Variants in TMIGD1 observed in about 807,000 individuals in gnomAD.
TMIGD1 encodes transmembrane and immunoglobulin domain containing 1, also known as transmembrane and immunoglobulin domain-containing protein 1.
Under a neutral mutation model 27.5 loss-of-function variants are expected in TMIGD1, and 29 were observed. That is an observed-to-expected ratio of 1.05 (90% confidence interval 0.78 to 1.44). The LOEUF is 1.44. TMIGD1 is among the 40% of genes most tolerant of loss of function. The pLI is 0.00. For synonymous variants in TMIGD1, 109 were observed against 110.3 expected (o/e 0.99, Z 0.07); for missense variants, 334 against 310.6 (o/e 1.08, Z -0.57).
At chr17:30,330,352 A>G (rs1229903100) in intron 2 of TMIGD1, among the ~76,000 whole-genome samples, 4 of 152,216 alleles carry the variant, frequency 2.6e-5, no homozygotes, top group African/African-American at 9.7e-5. Context: ...ATGTATATAC[A>G]TATACACATA....
intron 3 of TMIGD1, among the ~76,000 whole-genome samples, chr17:30,327,719 C>A (rs995013885): frequency 6.7e-6 from 1 of 149,426 alleles, no homozygotes; most frequent in African/African-American, 2.5e-5. Context: ...GCCACCATGC[C>A]CAGCTAATTA....
intron 1 of TMIGD1, among the ~76,000 whole-genome samples, chr17:30,332,911 A>G (rs1356659355): frequency 6.6e-6 from 1 of 152,090 alleles, no homozygotes; most frequent in African/African-American, 2.4e-5. Context: ...TGTGCTAAAC[A>G]CTTTACATAC....
chr17:30,319,003 C>G, intron 4 of TMIGD1, 90 bp from the exon 5 acceptor site: 1 of 884,484 alleles, frequency 1.1e-6, no homozygotes. Context: ...TTATGTGTGT[C>G]ATCCCCTTAA....
rs150886256 is a variant in TMIGD1 at position 30,325,087 on chromosome 17, A to G, written c.369T>C (p.Pro123=). The G allele has an allele frequency of 6.1e-4, 990 of 1,610,212 alleles. 3 individuals carry two copies. Among genetic ancestry groups the G allele is most frequent in the Middle Eastern group, 3.8e-3 (23 of 6,040 alleles). ...TTTGGAAGTCGTTTCCACTTAGGAG[A>G]GGAGGAACTGCAAGACTCAAGCATT... ...VSVVLNVTFP[P]LLSGNDFQTV... is the part of the protein sequence containing the mutation. Residue 123 remains proline, a synonymous_variant, in exon 4 of 7, where the codon CCT becomes CCC. Transcript: ENST00000328886.
chr17:30,323,132 T>A (rs1002071058), intron 4 of TMIGD1, among the ~76,000 whole-genome samples: 2 of 152,082 alleles, frequency 1.3e-5, no homozygotes, highest in African/African-American at 4.8e-5. Flanking sequence ...ATTACGCTAC[T>A]GCACTCCAGC....
At chr17:30,330,618 A>G (rs1213268665) in intron 2 of TMIGD1, among the ~76,000 whole-genome samples, 1 of 152,210 alleles carries the variant, frequency 6.6e-6, no homozygotes, top group Non-Finnish European at 1.5e-5. Flanking sequence ...GGCAGTGAAG[A>G]AAAATAAAAA....
rs562393780 is a variant in TMIGD1, at chr17:30,331,959, G to C, written c.82+93C>G. 1.8e-5 allele frequency: 14 copies of C among 784,126 alleles called. No homozygotes were observed. The Admixed American group carries it at 2.1e-4, about 12-fold the overall frequency. The allele number at this position is 784,126 out of a possible 1,614,324, so 48.6% of individuals were successfully genotyped here. A position where few individuals can be genotyped will look rare whatever the true frequency, so the allele number is the denominator to read the frequency against. Reference sequence around the variant, plus strand: ...CTAACTGTGTAGTCATTCCAATTTGGAATTTAAGGATATATCCAATGCCCA... The same window carrying C: ...CTAACTGTGTAGTCATTCCAATTTGCAATTTAAGGATATATCCAATGCCCA... On this transcript the variant is annotated intron_variant, in intron 2 of 6. Transcript: ENST00000328886.
intron 4 of TMIGD1, among the ~76,000 whole-genome samples, chr17:30,321,430 C>T (rs753519587): frequency 2.0e-5 from 3 of 152,178 alleles, no homozygotes; most frequent in Non-Finnish European, 4.4e-5. Flanking sequence ...GCTTAAGTAA[C>T]ATTTTAGGCA....
At position 30,332,099 on chromosome 17, in the gene TMIGD1, C is replaced by T. The variant is rs777049062; in HGVS notation, c.35G>A (p.Gly12Glu). Reference sequence around the variant, plus strand: ...TAAAATTACTAAGAGAAGAAATCTTCCCATTTGCATTATGACACTGCTCTT... The same window carrying T: ...TAAAATTACTAAGAGAAGAAATCTTTCCATTTGCATTATGACACTGCTCTT... ...AWKSSVIMQM[G>E]RFLLLVILFL... Residue 12 changes from glycine to glutamate, a missense_variant, in exon 2 of 7, where the codon GGA becomes GAA. Coordinates refer to ENST00000328886, the MANE Select transcript of TMIGD1 (RefSeq NM_206832.3). 92 of 1,613,450 alleles carry T rather than the reference C, an allele frequency of 5.7e-5. No individual in the cohort carries two copies. The highest frequency in any genetic ancestry group is 7.0e-5 in the Non-Finnish European group (82 of 1,179,724).
chr17:30,322,629 A>T (rs956608867), intron 4 of TMIGD1, among the ~76,000 whole-genome samples: 26 of 152,224 alleles, frequency 1.7e-4, no homozygotes, highest in African/African-American at 6.3e-4. Context: ...CCTCCCAGGT[A>T]GCTGGGATTA....
At chr17:30,332,919 T>C (rs1910026197) in intron 1 of TMIGD1, among the ~76,000 whole-genome samples, 1 of 152,122 alleles carries the variant, frequency 6.6e-6, no homozygotes, top group African/African-American at 2.4e-5. Flanking sequence ...ACACTTTACA[T>C]ACATCATTTC....
At position 30,316,777 on chromosome 17, in the gene TMIGD1, GCCTT is replaced by G; in HGVS notation, c.786-91_786-88del. The G allele has an allele frequency of 7.0e-6, 9 of 1,277,886 alleles. No individual in the cohort carries two copies. In the South Asian group the frequency reaches 1.1e-4, roughly 16 times the overall value. 79.2% of individuals were successfully genotyped at this position (1,277,886 alleles called of 1,614,324 possible). A position where few individuals can be genotyped will look rare whatever the true frequency, so the allele number is the denominator to read the frequency against. ...CAAAACCCATACTCTCTGACAACATGCCTTTGTTCTTATTACCTACTACCCACTT... is the reference window on the plus strand; with the variant it reads ...CAAAACCCATACTCTCTGACAACATGTGTTCTTATTACCTACTACCCACTT... On this transcript the variant is annotated intron_variant, in intron 6 of 6. Transcript: ENST00000328886.
At chr17:30,319,429 C>CAAAAAAAAAAA (rs1286864435) in intron 4 of TMIGD1, among the ~76,000 whole-genome samples, 1 of 40,788 alleles carries the variant, frequency 2.5e-5, no homozygotes, top group Non-Finnish European at 4.9e-5. Context: ...TCTCTGTCTC[C>CAAAAAAAAAAA]AAAAAAAAAA....
At chr17:30,331,650 T>A (rs2143189310) in intron 2 of TMIGD1, among the ~76,000 whole-genome samples, 1 of 150,006 alleles carries the variant, frequency 6.7e-6, no homozygotes, top group South Asian at 2.1e-4. Flanking sequence ...AGTGACGTAA[T>A]CTCGGCTCAC....
At chr17:30,332,306 C>T (rs914470194) in intron 1 of TMIGD1, 148 bp from the exon 2 acceptor site, 5 of 526,750 alleles carry the variant, frequency 9.5e-6, no homozygotes, top group South Asian at 6.2e-5. Flanking sequence ...ATTAAACAAC[C>T]CTGTCTGACT....
At chr17:30,324,345 C>T (rs3110454) in intron 4 of TMIGD1, among the ~76,000 whole-genome samples, 53,840 of 151,906 alleles carry the variant, frequency 0.35, 10,226 homozygotes, top group Admixed American at 0.42. Context: ...TTTTTTGTCC[C>T]CTTATTTTTT....
Position 30,316,360 on chromosome 17 carries a change from A to G in TMIGD1, c.*327T>C, listed in dbSNP as rs1274887929. On this transcript the variant is annotated 3_prime_UTR_variant, in exon 7 of 7. Transcript: ENST00000328886. ...TTTTTTTTTTTTTGGCTTTGCACCA[A>G]TTTGTGAGACCCAAGTATCTCCTAC... The G allele has an allele frequency of 4.5e-6, 1 of 222,672 alleles. No individual in the cohort carries two copies. Among genetic ancestry groups the G allele is most frequent in the African/African-American group, 2.3e-5 (1 of 42,786 alleles). 13.8% of individuals were successfully genotyped at this position (222,672 alleles called of 1,614,324 possible).
intron 5 of TMIGD1, 123 bp from the exon 6 acceptor site, chr17:30,317,356 C>A: frequency 9.6e-7 from 1 of 1,039,978 alleles, no homozygotes; most frequent in South Asian, 1.3e-5. Context: ...CTGGCTCAGG[C>A]GTCATTTTTG....
chr17:30,319,261 A>AAAAAAATATATATATATATATATAT, intron 4 of TMIGD1, among the ~76,000 whole-genome samples: 12 of 69,032 alleles, frequency 1.7e-4, no homozygotes, highest in African/African-American at 1.0e-3. Context: ...AAAAAAAAAA[A>AAAAAAATATATATATATATATATAT]ATATATATAT....
Sources: allele counts gnomAD v4.1 joint callset (sites outside exome capture counted in the v4.1 genomes callset), GRCh38; gene constraint gnomAD v4.1.1; transcripts MANE v1.5; gene names NCBI Gene and HGNC (gene_info 2026-07-23, HGNC 2026-07-21).